WDR31: variants seen among roughly 807,000 people sequenced by gnomAD.
WDR31 encodes WD repeat-containing protein 31.
Under a neutral mutation model 47.3 loss-of-function variants are expected in WDR31, and 30 were observed. That is an observed-to-expected ratio of 0.63 (90% confidence interval 0.47 to 0.86). The LOEUF (loss-of-function observed/expected upper bound fraction) is 0.86. Among genes scored for constraint, WDR31 ranks in the 40% least tolerant of loss-of-function variants. The pLI is 0.00. For synonymous variants in WDR31, 137 were observed against 159.4 expected, an observed-to-expected ratio of 0.86 and a Z score of 1.06; for missense variants, 406 against 442.9, an observed-to-expected ratio of 0.92 and a Z score of 0.75.
intron 1 of WDR31, among the ~76,000 whole-genome samples, chr9:113,338,566 T>C (rs1205732145): frequency 3.3e-5 from 5 of 152,140 alleles, no homozygotes; most frequent in African/African-American, 1.2e-4. Context: ...TAAATACCTG[T>C]TGAATGAGTG....
intron 2 of WDR31, among the ~76,000 whole-genome samples, chr9:113,336,050 G>A (rs1180586857): frequency 6.6e-6 from 1 of 152,192 alleles, no homozygotes; most frequent in Non-Finnish European, 1.5e-5. Flanking sequence ...TTGGGATGTG[G>A]TATTGTTTAC....
At chr9:113,323,930 G>GATATT (rs1356056509) in intron 5 of WDR31, among the ~76,000 whole-genome samples, 1 of 152,114 alleles carries the variant, frequency 6.6e-6, no homozygotes, top group East Asian at 1.9e-4. Flanking sequence ...AACTTTGCTT[G>GATATT]ATATTATTAT....
rs778458124 is a variant in WDR31 at position 113,332,052 on chromosome 9, T to C, written c.-28-2A>G. 1.9e-6 allele frequency: 3 copies of C among 1,589,236 alleles called. No homozygotes were observed. The highest frequency in any genetic ancestry group is 2.2e-5 in the South Asian group (2 of 90,380). On this transcript the variant is annotated splice_acceptor_variant, in intron 2 of 10. Transcript: ENST00000374193. LOFTEE classifies it low-confidence loss of function (5UTR_SPLICE). Reference sequence around the variant, plus strand: ...TGTGGCTGCTGGAAGTTGTGTTCCCTGTTTAATAAAAAGAAGAATACATGT... The same window carrying C: ...TGTGGCTGCTGGAAGTTGTGTTCCCCGTTTAATAAAAAGAAGAATACATGT...
intron 10 of WDR31, among the ~76,000 whole-genome samples, chr9:113,317,559 C>G (rs778041428): frequency 6.6e-6 from 1 of 152,250 alleles, no homozygotes; most frequent in Non-Finnish European, 1.5e-5. Flanking sequence ...GGTAACAGTA[C>G]AGCAGGCTGT....
chr9:113,318,651 ACATGGAC>A lies in WDR31; in HGVS notation c.781-21_781-15del. The A allele has an allele frequency of 6.2e-7, 1 of 1,613,758 alleles. No homozygotes were observed. The highest frequency in any genetic ancestry group is 8.5e-7 in the Non-Finnish European group (1 of 1,179,706). On this transcript the variant is annotated splice_polypyrimidine_tract_variant and intron_variant, in intron 9 of 10. Coordinates refer to ENST00000374193, the MANE Select transcript of WDR31 (RefSeq NM_001012361.4). Reference sequence around the variant, plus strand: ...TAGGTCCCACAACTGCAAAGTAATGACATGGACCAGCTCATAGTCACTTGTCTAGCTT... The same window carrying A: ...TAGGTCCCACAACTGCAAAGTAATGACAGCTCATAGTCACTTGTCTAGCTT...
intron 2 of WDR31, among the ~76,000 whole-genome samples, chr9:113,334,853 C>G (rs1015994341): frequency 2.0e-5 from 3 of 152,020 alleles, no homozygotes; most frequent in Admixed American, 6.6e-5. Context: ...GCCACCGCAC[C>G]TGGCCTCATT....
intron 2 of WDR31, among the ~76,000 whole-genome samples, chr9:113,332,268 A>G (rs1392800841): frequency 2.6e-5 from 4 of 152,258 alleles, no homozygotes; most frequent in Admixed American, 2.6e-4. Context: ...CAGAATTGCC[A>G]TACGGTCCAG....
At chr9:113,321,639 TG>T in intron 7 of WDR31, 61 bp from the exon 8 acceptor site, 1 of 1,492,184 alleles carries the variant, frequency 6.7e-7, no homozygotes, top group Non-Finnish European at 9.3e-7. Context: ...CTGTAATTCC[TG>T]TCAAATGTGC....
At chr9:113,320,609 T>C (rs897396422) in intron 8 of WDR31, 111 bp from the exon 9 acceptor site, 39 of 1,357,242 alleles carry the variant, frequency 2.9e-5, no homozygotes, top group Non-Finnish European at 3.7e-5. Context: ...GCCAGTCAGA[T>C]TGGAATGGCA....
intron 2 of WDR31, among the ~76,000 whole-genome samples, chr9:113,332,319 G>C (rs749454061): frequency 6.6e-6 from 1 of 152,168 alleles, no homozygotes; most frequent in African/African-American, 2.4e-5. Flanking sequence ...CACAGAAACA[G>C]ATGTTCAAAC....
intron 9 of WDR31, among the ~76,000 whole-genome samples, 177 bp downstream of exon 9, chr9:113,320,180 C>T (rs1833293862): frequency 6.6e-6 from 1 of 152,190 alleles, no homozygotes. Context: ...TTGGCCTCCC[C>T]TATGAATGTT....
intron 10 of WDR31, among the ~76,000 whole-genome samples, chr9:113,317,759 T>C (rs1440690796): frequency 6.6e-6 from 1 of 152,254 alleles, no homozygotes; most frequent in Non-Finnish European, 1.5e-5. Flanking sequence ...GGCAGAACCC[T>C]GTGTCCAGGA....
chr9:113,332,499 T>C (rs1564312702), intron 2 of WDR31, among the ~76,000 whole-genome samples: 1 of 152,156 alleles, frequency 6.6e-6, no homozygotes, highest in Non-Finnish European at 1.5e-5. Context: ...TACTACAACA[T>C]GGGTGAATCT....
rs1179977781 is a variant in WDR31, at chr9:113,316,910, C to CT, written c.944-2dup. 1.2e-6 allele frequency: 2 copies of CT among 1,612,952 alleles called. No individual in the cohort carries two copies. Among genetic ancestry groups the CT allele is most frequent in the Admixed American group, 1.7e-5 (1 of 59,822 alleles). On this transcript the variant is annotated splice_acceptor_variant, in intron 10 of 10. Transcript: ENST00000374193. LOFTEE classifies it high-confidence loss of function. ...TCCAGAGACAAGGTGAAAAGGCAGG[C>CT]TGGGGGGGAAAGGGGGACCAGCAGA...
At chr9:113,318,749 G>T (rs558766134) in intron 9 of WDR31, 112 bp from the exon 10 acceptor site, 2 of 1,113,628 alleles carry the variant, frequency 1.8e-6, no homozygotes, top group South Asian at 1.5e-5. Flanking sequence ...ACCTGCTCAC[G>T]TAGCTACCCC....
intron 2 of WDR31, among the ~76,000 whole-genome samples, chr9:113,333,583 T>G (rs1231204804): frequency 1.3e-5 from 2 of 151,110 alleles, no homozygotes; most frequent in African/African-American, 2.4e-5. Context: ...GGGTTTCACC[T>G]TGTTAGCCAG....
intron 1 of WDR31, among the ~76,000 whole-genome samples, chr9:113,337,139 A>G (rs1833729993): frequency 6.6e-6 from 1 of 152,230 alleles, no homozygotes; most frequent in South Asian, 2.1e-4. Flanking sequence ...TCTGCATTAG[A>G]TAGGACTAGT....
In WDR31 at chr9:113,320,403, C is replaced by T; in HGVS notation, c.734G>A (p.Cys245Tyr). ...YCEVSVDGHK[C>Y]ISCSNGFGGE... ...TCCAAAGCCATTGCTGCAGGAGATA[C>T]ACTTGTGTCCATCCACACTGACTTC... is the stretch of plus-strand genomic sequence containing the variant. The change falls in exon 9 of 11, where the codon TGT becomes TAT. Residue 245 changes from cysteine to tyrosine, a missense_variant. Physicochemically the swap from Cys to Tyr is radical, Grantham distance 194. Transcript: ENST00000374193. 6.2e-7 allele frequency: 1 copy of T among 1,614,256 alleles called. No individual in the cohort carries two copies. The highest frequency in any genetic ancestry group is 8.5e-7 in the Non-Finnish European group (1 of 1,180,032).
chr9:113,316,799 T>C lies in WDR31; in HGVS notation c.1054A>G (p.Arg352Gly). 1.9e-6 allele frequency: 3 copies of C among 1,614,178 alleles called. No individual in the cohort carries two copies. Among genetic ancestry groups the C allele is most frequent in the South Asian group, 2.2e-5 (2 of 91,080 alleles). ...ASFNRGIHLL[R>G]MDHSQGLELQ... ...TCCAGCCCTTGGCTGTGGTCCATTCTGAGTAAGTGAATTCCTCTGTTAAAA... is the reference window on the plus strand; with the variant it reads ...TCCAGCCCTTGGCTGTGGTCCATTCCGAGTAAGTGAATTCCTCTGTTAAAA... Residue 352 changes from arginine to glycine, a missense_variant, in exon 11 of 11, where the codon AGA becomes GGA. By Grantham distance (125) the Arg-to-Gly change is moderately radical. Coordinates refer to ENST00000374193, the MANE Select transcript of WDR31 (RefSeq NM_001012361.4).
Sources: allele counts gnomAD v4.1 joint callset (sites outside exome capture counted in the v4.1 genomes callset), GRCh38; gene constraint gnomAD v4.1.1; transcripts MANE v1.5; gene names NCBI Gene and HGNC (gene_info 2026-07-23, HGNC 2026-07-21).